Variants in GRID1 observed in about 807,000 individuals in gnomAD.
GRID1 encodes glutamate ionotropic receptor delta type subunit 1.
In GRID1, 28 loss-of-function variants were observed where a neutral mutation model predicts 98.0. The ratio of observed to expected loss-of-function variants is 0.29; its 90% CI spans 0.21 to 0.39. The LOEUF (loss-of-function observed/expected upper bound fraction) is 0.39, where lower values mean the gene tolerates loss of function less well. Ranked by LOEUF, GRID1 falls within the 10% of genes least tolerant of loss-of-function variation. The pLI is 1.00. For missense variants in GRID1, 1,111 were observed against 1,340.5 expected (o/e 0.83, Z 2.67); for synonymous variants, 553 against 538.5 (o/e 1.03, Z -0.37).
intron 4 of GRID1, among the ~76,000 whole-genome samples, chr10:86,011,267 G>A (rs1413895150): frequency 6.6e-6 from 1 of 152,162 alleles, no homozygotes; most frequent in East Asian, 1.9e-4. Flanking sequence ...ATTAGCACAT[G>A]TGATCATCTG....
intron 4 of GRID1, among the ~76,000 whole-genome samples, chr10:85,984,511 C>T (rs1001702432): frequency 3.9e-5 from 6 of 152,154 alleles, no homozygotes; most frequent in Non-Finnish European, 8.8e-5. Context: ...CACCTGCAGG[C>T]AGGTGGAATG....
chr10:86,001,264 G>A (rs1435367067), intron 4 of GRID1, among the ~76,000 whole-genome samples: 1 of 152,136 alleles, frequency 6.6e-6, no homozygotes, highest in Non-Finnish European at 1.5e-5. Context: ...CCTGATTGAG[G>A]TGGTGATTCC....
intron 10 of GRID1, among the ~76,000 whole-genome samples, chr10:85,724,936 T>C (rs1357388043): frequency 6.6e-6 from 1 of 152,246 alleles, no homozygotes; most frequent in Non-Finnish European, 1.5e-5. Flanking sequence ...TAAAGTATCT[T>C]CATTTCTCTA....
intron 4 of GRID1, among the ~76,000 whole-genome samples, chr10:85,954,463 A>G (rs546872320): frequency 2.1e-4 from 32 of 152,346 alleles, no homozygotes; most frequent in African/African-American, 7.5e-4. Flanking sequence ...TAAGTCACAA[A>G]TATAGGAAAT....
chr10:86,098,573 A>G (rs925135643), intron 4 of GRID1, among the ~76,000 whole-genome samples: 1 of 152,230 alleles, frequency 6.6e-6, no homozygotes, highest in Non-Finnish European at 1.5e-5. Context: ...CTGGGTCAAA[A>G]GGTACAAACA....
intron 12 of GRID1, among the ~76,000 whole-genome samples, chr10:85,678,634 C>A (rs139126224): frequency 8.3e-4 from 127 of 152,268 alleles, no homozygotes; most frequent in Non-Finnish European, 1.5e-3. Context: ...AGAGACTTTG[C>A]CCCATACATC....
At chr10:86,257,295 G>A (rs1846935918) in intron 2 of GRID1, among the ~76,000 whole-genome samples, 1 of 152,212 alleles carries the variant, frequency 6.6e-6, no homozygotes, top group Admixed American at 6.5e-5. Context: ...CCTCAGACCT[G>A]TCTGCTCAAC....
chr10:86,224,250 T>C (rs1459728669), intron 2 of GRID1, among the ~76,000 whole-genome samples: 1 of 152,070 alleles, frequency 6.6e-6, no homozygotes, highest in African/African-American at 2.4e-5. Flanking sequence ...TGAAGGAAAG[T>C]GTGCTGACTG....
intron 2 of GRID1, among the ~76,000 whole-genome samples, chr10:86,246,786 A>G (rs553939227): frequency 6.6e-6 from 1 of 152,056 alleles, no homozygotes; most frequent in South Asian, 2.1e-4. Flanking sequence ...CCACCTCTCC[A>G]AAGCCAACCC....
intron 4 of GRID1, among the ~76,000 whole-genome samples, chr10:86,086,030 C>G (rs117204417): frequency 0.039 from 5,990 of 152,218 alleles, 135 homozygotes; most frequent in Middle Eastern, 0.061. Context: ...TTTGCACTCA[C>G]TGTCCCTTCC....
chr10:85,904,393 T>G (rs888990915), intron 5 of GRID1, among the ~76,000 whole-genome samples: 3 of 152,096 alleles, frequency 2.0e-5, no homozygotes, highest in Non-Finnish European at 4.4e-5. Flanking sequence ...AGAGGAAGCA[T>G]GCAGAACCCA....
At chr10:86,219,391 G>A (rs1485825365) in intron 2 of GRID1, among the ~76,000 whole-genome samples, 1 of 152,160 alleles carries the variant, frequency 6.6e-6, no homozygotes, top group Admixed American at 6.5e-5. Flanking sequence ...AGGTATTTGG[G>A]CTACAGGTCC....
At chr10:86,240,874 G>A (rs1226629590) in intron 2 of GRID1, among the ~76,000 whole-genome samples, 3 of 152,210 alleles carry the variant, frequency 2.0e-5, no homozygotes, top group Admixed American at 1.3e-4. Context: ...ACCAGCCTCG[G>A]GGAGCCAAGC....
At chr10:86,335,557 T>C (rs1019926308) in intron 2 of GRID1, among the ~76,000 whole-genome samples, 2 of 152,200 alleles carry the variant, frequency 1.3e-5, no homozygotes, top group South Asian at 4.1e-4. Flanking sequence ...GTAAAATCAG[T>C]TGTACAGAAT....
chr10:85,831,825 T>C (rs1440269866), intron 8 of GRID1, among the ~76,000 whole-genome samples: 1 of 151,956 alleles, frequency 6.6e-6, no homozygotes, highest in East Asian at 1.9e-4. Flanking sequence ...TACTGTAAAG[T>C]AAATTCATAG....
chr10:85,878,852 C>T (rs1297747173), intron 5 of GRID1, among the ~76,000 whole-genome samples: 1 of 152,028 alleles, frequency 6.6e-6, no homozygotes, highest in East Asian at 1.9e-4. Context: ...CAAGACCCAT[C>T]AGTGTGCTGT....
At chr10:85,727,823 C>T (rs754599797) in intron 10 of GRID1, 32 bp downstream of exon 10, 22 of 1,524,374 alleles carry the variant, frequency 1.4e-5, no homozygotes, top group Non-Finnish European at 2.0e-5. Context: ...GACTAGGGTG[C>T]CCCTCCCCCT....
chr10:86,073,879 G>C (rs1843840098), intron 4 of GRID1, among the ~76,000 whole-genome samples: 1 of 152,222 alleles, frequency 6.6e-6, no homozygotes, highest in African/African-American at 2.4e-5. Flanking sequence ...GATATGGACA[G>C]TCAGGACCGC....
intron 15 of GRID1, among the ~76,000 whole-genome samples, chr10:85,607,806 C>T (rs1368347157): frequency 1.9e-4 from 28 of 148,984 alleles, no homozygotes; most frequent in Non-Finnish European, 3.6e-4. Context: ...CTTTCCTTTT[C>T]CTTTTTTTTT....
Sources: gnomAD v4.1 joint callset for allele counts (sites outside exome capture counted in the v4.1 genomes callset) on GRCh38, gnomAD v4.1.1 for gene constraint, MANE v1.5 for transcripts, NCBI Gene and HGNC (gene_info 2026-07-23, HGNC 2026-07-21) for gene names.